The following PALD1 variants were observed in gnomAD, a reference collection of about 807,000 sequenced individuals.
The protein encoded by PALD1 is paladin.
In PALD1, 57 loss-of-function variants were observed where a neutral mutation model predicts 96.0. That is an observed-to-expected ratio of 0.59 (90% CI 0.48 to 0.74). The LOEUF is 0.74. Among genes scored for constraint, PALD1 ranks in the 30% least tolerant of loss-of-function variants. The pLI is 0.00. For missense variants in PALD1, 1,063 were observed against 1,143.7 expected (o/e 0.93, Z 1.02); for synonymous variants, 464 against 473.6 (o/e 0.98, Z 0.26).
chr10:70,507,472 T>A (rs1846414295), intron 1 of PALD1, among the ~76,000 whole-genome samples: 1 of 152,158 alleles, frequency 6.6e-6, no homozygotes, highest in Non-Finnish European at 1.5e-5. Context: ...TCACCCAGGC[T>A]GGAGTGCAGT....
intron 1 of PALD1, among the ~76,000 whole-genome samples, chr10:70,512,109 A>G (rs1294593455): frequency 2.6e-5 from 4 of 152,090 alleles, no homozygotes. Context: ...GCCTCTTAAT[A>G]CTATTATAAT....
At chr10:70,497,700 G>A (rs1467560701) in intron 1 of PALD1, among the ~76,000 whole-genome samples, 1 of 151,910 alleles carries the variant, frequency 6.6e-6, no homozygotes, top group African/African-American at 2.4e-5. Context: ...CCGAGTAGCT[G>A]GGACTACAGG....
the PALD1 span, among the ~76,000 whole-genome samples, chr10:70,465,102 G>T: frequency 6.6e-6 from 1 of 151,950 alleles, no homozygotes; most frequent in Non-Finnish European, 1.5e-5. Flanking sequence ...AGCCTCCCGA[G>T]TAGCTGGGAC....
chr10:70,482,334 T>C (rs912574408), intron 1 of PALD1, among the ~76,000 whole-genome samples: 3 of 152,184 alleles, frequency 2.0e-5, no homozygotes, highest in Non-Finnish European at 2.9e-5. Flanking sequence ...CAGTGTTTGC[T>C]AAGAATAGTC....
chr10:70,535,168 C>T (rs959886565), intron 10 of PALD1, among the ~76,000 whole-genome samples: 2 of 152,226 alleles, frequency 1.3e-5, no homozygotes, highest in Non-Finnish European at 2.9e-5. Context: ...AGTAAAACTC[C>T]TGGTGTTTCT....
intron 18 of PALD1, among the ~76,000 whole-genome samples, chr10:70,549,731 C>T (rs1214373086): frequency 6.6e-6 from 1 of 152,230 alleles, no homozygotes; most frequent in Non-Finnish European, 1.5e-5. Context: ...GGCACTCCTC[C>T]CTGGACATTG....
chr10:70,536,913 T>A (rs1215296247), intron 10 of PALD1, among the ~76,000 whole-genome samples: 5 of 152,140 alleles, frequency 3.3e-5, no homozygotes, highest in Non-Finnish European at 7.3e-5. Context: ...CAACCCCCCA[T>A]GCAGAGGAAG....
At chr10:70,561,274 C>T (rs756754409) in intron 18 of PALD1, among the ~76,000 whole-genome samples, 3 of 152,238 alleles carry the variant, frequency 2.0e-5, no homozygotes, top group Non-Finnish European at 4.4e-5. Context: ...GGGCGTTTCA[C>T]GCCCATAGCA....
chr10:70,563,848 C>T (rs1847788308), intron 18 of PALD1, among the ~76,000 whole-genome samples: 1 of 152,210 alleles, frequency 6.6e-6, no homozygotes, highest in Non-Finnish European at 1.5e-5. Flanking sequence ...TTGATGACCC[C>T]TGCCATCGGC....
intron 4 of PALD1, among the ~76,000 whole-genome samples, chr10:70,530,277 G>T (rs796611155): frequency 3.3e-5 from 5 of 152,336 alleles, no homozygotes; most frequent in African/African-American, 9.6e-5. Flanking sequence ...GTCCTGAGTG[G>T]ATGGCGGGGC....
intron 18 of PALD1, 76 bp from the exon 19 acceptor site, chr10:70,564,288 G>A: frequency 6.8e-7 from 1 of 1,466,386 alleles, no homozygotes; most frequent in Non-Finnish European, 9.3e-7. Flanking sequence ...TGGCACTCAG[G>A]GCAGCAGGGT....
upstream of PALD1, among the ~76,000 whole-genome samples, chr10:70,478,055 A>G (rs2132246268): frequency 7.6e-6 from 1 of 131,806 alleles, no homozygotes; most frequent in East Asian, 2.3e-4. Flanking sequence ...TGGGGGGGGC[A>G]GGCCTATGGT....
chr10:70,537,922 A>G lies in PALD1; in HGVS notation c.1323+16A>G, dbSNP rs1389585796. 1.3e-6 allele frequency: 2 copies of G among 1,551,276 alleles called. No homozygotes were observed. The highest frequency in any genetic ancestry group is 3.3e-5 in the Admixed American group (2 of 59,868). On this transcript the variant is annotated intron_variant, in intron 11 of 19. Transcript: ENST00000263563. Reference sequence around the variant, plus strand: ...TCATGAGCAGGTGGGGCCTGGGAGGAGCAGACCCACGTCCCCTCCTCCTGG... The same window carrying G: ...TCATGAGCAGGTGGGGCCTGGGAGGGGCAGACCCACGTCCCCTCCTCCTGG...
chr10:70,465,678 T>C, the PALD1 span, among the ~76,000 whole-genome samples: 2 of 152,030 alleles, frequency 1.3e-5, no homozygotes, highest in Admixed American at 6.6e-5. Flanking sequence ...CTCCAAGACA[T>C]CACGCTGCCA....
In PALD1 at chr10:70,541,480, TGAG is replaced by T; in HGVS notation, c.2074_2076del (p.Glu692del). 3 of 1,613,842 alleles carry T rather than the reference TGAG, an allele frequency of 1.9e-6. No homozygotes were observed. Among genetic ancestry groups the T allele is most frequent in the Non-Finnish European group, 2.5e-6 (3 of 1,179,886 alleles). ...TCCCTCAGGGCTTCCCCGAGGTGGGTGAGGAGGAGCTCGTGAGTGTGCCTGATG... is the reference window on the plus strand; with the variant it reads ...TCCCTCAGGGCTTCCCCGAGGTGGGTGAGGAGCTCGTGAGTGTGCCTGATG... On this transcript the variant is annotated inframe_deletion, in exon 17 of 20. Transcript: ENST00000263563.
In PALD1 at chr10:70,533,148, T is replaced by G. The variant is rs567049572; in HGVS notation, c.870+78T>G. The G allele has an allele frequency of 5.6e-5, 65 of 1,157,506 alleles. No individual in the cohort carries two copies. The South Asian group carries it at 8.6e-4, about 15-fold the overall frequency. The allele number at this position is 1,157,506 out of a possible 1,614,324, so 71.7% of individuals were successfully genotyped here. A position where few individuals can be genotyped will look rare whatever the true frequency, so the allele number is the denominator to read the frequency against. ...GGAGGTGCTCAGGGTGGGCACAGCC[T>G]CTCGCCTTCCTCAGAGGAAGGCTTC... On this transcript the variant is annotated intron_variant, in intron 7 of 19. Coordinates refer to ENST00000263563, the MANE Select transcript of PALD1 (RefSeq NM_014431.3).
At chr10:70,518,089 G>T (rs897458849) in intron 1 of PALD1, among the ~76,000 whole-genome samples, 2 of 152,050 alleles carry the variant, frequency 1.3e-5, no homozygotes, top group African/African-American at 2.4e-5. Context: ...TTTTAGTAGA[G>T]ATGGGGTTTC....
the PALD1 span, among the ~76,000 whole-genome samples, chr10:70,458,619 C>T: frequency 1.2e-4 from 19 of 152,304 alleles, no homozygotes; most frequent in South Asian, 4.1e-4. Flanking sequence ...GGGACCCGCC[C>T]CTCTCCCCTG....
upstream of PALD1, among the ~76,000 whole-genome samples, chr10:70,478,272 C>G (rs1845860650): frequency 1.3e-5 from 2 of 152,200 alleles, no homozygotes; most frequent in African/African-American, 4.8e-5. Context: ...AAGTGCAGAG[C>G]GCACCATCAT....
Sources: gnomAD v4.1 joint callset for allele counts (sites outside exome capture counted in the v4.1 genomes callset) on GRCh38, gnomAD v4.1.1 for gene constraint, MANE v1.5 for transcripts, NCBI Gene and HGNC (gene_info 2026-07-23, HGNC 2026-07-21) for gene names.